OXR1: variants seen among roughly 807,000 people sequenced by gnomAD.
The protein encoded by OXR1 is oxidation resistance protein 1.
Under a neutral mutation model 104.6 loss-of-function variants are expected in OXR1, and 41 were observed. That is an observed-to-expected ratio of 0.39 (90% CI 0.31 to 0.51). The LOEUF (loss-of-function observed/expected upper bound fraction) is 0.51. Ranked by LOEUF, OXR1 falls within the 20% of genes least tolerant of loss-of-function variation. The pLI is 0.77. For missense variants in OXR1, 955 were observed against 1,031.9 expected, an observed-to-expected ratio of 0.93 and a Z score of 1.02; for synonymous variants, 348 against 348.4, an observed-to-expected ratio of 1.00 and a Z score of 0.01.
intron 2 of OXR1, among the ~76,000 whole-genome samples, chr8:106,450,764 C>CT (rs10668587): frequency 0.32 from 46,755 of 145,942 alleles, 7,961 homozygotes; most frequent in East Asian, 0.77. Context: ...AAAGAGGGTG[C>CT]TTTTTTTTTT....
intron 2 of OXR1, among the ~76,000 whole-genome samples, chr8:106,433,482 A>T (rs1819444239): frequency 1.3e-5 from 2 of 152,164 alleles, no homozygotes; most frequent in Non-Finnish European, 2.9e-5. Context: ...GCAAAGGCAG[A>T]TTGGACCCCA....
chr8:106,456,232 C>G (rs953707417), intron 2 of OXR1, among the ~76,000 whole-genome samples: 1 of 152,238 alleles, frequency 6.6e-6, no homozygotes, highest in East Asian at 1.9e-4. Context: ...GGGAACAGAA[C>G]GAAGATACTG....
rs1554593236 is a variant in OXR1 at position 106,555,928 on chromosome 8, G to GTGTA, written c.220+36790_220+36791insGTAT. On this transcript the variant is annotated intron_variant, in intron 3 of 16. Transcript: ENST00000517566. ...TGTGTGTAGGCATACGTATATATATGTACATATATATATATATATACACAA... is the reference window on the plus strand; with the variant it reads ...TGTGTGTAGGCATACGTATATATATGTGTATACATATATATATATATATACACAA... Among the ~76,000 whole-genome samples, 288 of 142,538 alleles carry GTGTA rather than the reference G, an allele frequency of 2.0e-3. 1 individual carries two copies. The highest frequency in any genetic ancestry group is 5.5e-3 in the Admixed American group (78 of 14,084). The allele number at this position is 142,538 out of a possible 152,430, so 93.5% of individuals were successfully genotyped here.
Position 106,657,911 on chromosome 8 carries a change from G to GCGCGCTAGTGGTGGC in OXR1, c.221-21295_221-21281dup, listed in dbSNP as rs1825295510. The GCGCGCTAGTGGTGGC allele has an allele frequency of 4.8e-6, 6 of 1,246,734 alleles. No individual in the cohort carries two copies. The South Asian group carries it at 2.1e-4, about 43-fold the overall frequency. 77.2% of individuals were successfully genotyped at this position (1,246,734 alleles called of 1,614,324 possible). ...TGGGTCAGGTCTGATGGGCCGGTGG[G>GCGCGCTAGTGGTGGC]CGCGCTAGTGGTGGCCGCCACCGCC... On this transcript the variant is annotated intron_variant, in intron 3 of 16. Transcript: ENST00000517566.
intron 2 of OXR1, among the ~76,000 whole-genome samples, chr8:106,411,190 A>T (rs939807076): frequency 6.6e-6 from 1 of 152,186 alleles, no homozygotes; most frequent in Non-Finnish European, 1.5e-5. Context: ...AGTGACACTT[A>T]AGCTGAAACT....
intron 1 of OXR1, among the ~76,000 whole-genome samples, chr8:106,330,632 G>A (rs181023191): frequency 2.6e-5 from 4 of 152,204 alleles, no homozygotes; most frequent in Non-Finnish European, 2.9e-5. Context: ...ACTGCTGGAT[G>A]TTAAGAACTT....
rs1166517696 is a variant in OXR1 at position 106,322,347 on chromosome 8, C to A, written c.-138-37129C>A. On this transcript the variant is annotated intron_variant, in intron 1 of 16. Coordinates refer to ENST00000517566, the MANE Select transcript of OXR1 (RefSeq NM_001198533.2). ...AAAAGGCTTTCGATAAAATTCAACACCCCTTCATGTTAAATACTCCCAGTA... is the reference window on the plus strand; with the variant it reads ...AAAAGGCTTTCGATAAAATTCAACAACCCTTCATGTTAAATACTCCCAGTA... 2.0e-5 allele frequency among the ~76,000 whole-genome samples: 3 copies of A among 152,248 alleles called. No homozygotes were observed. The East Asian group carries it at 5.8e-4, about 29-fold the overall frequency.
intron 3 of OXR1, among the ~76,000 whole-genome samples, chr8:106,556,366 G>A (rs1816284470): frequency 6.6e-6 from 1 of 152,150 alleles, no homozygotes; most frequent in Non-Finnish European, 1.5e-5. Context: ...ATGTGGGACA[G>A]TAAGTGGGTA....
chr8:106,473,235 C>T (rs1049378465), intron 2 of OXR1, among the ~76,000 whole-genome samples: 12 of 151,684 alleles, frequency 7.9e-5, no homozygotes, highest in Non-Finnish European at 1.3e-4. Context: ...CAGCACAAAT[C>T]GGCTGTTGCC....
intron 7 of OXR1, among the ~76,000 whole-genome samples, chr8:106,695,260 G>A (rs142797010): frequency 2.0e-5 from 3 of 151,526 alleles, no homozygotes; most frequent in African/African-American, 7.3e-5. Context: ...TATAGTTGCA[G>A]ATTTCCATTT....
intron 14 of OXR1, among the ~76,000 whole-genome samples, chr8:106,741,614 G>C (rs942219751): frequency 2.0e-5 from 3 of 152,104 alleles, no homozygotes; most frequent in Admixed American, 6.5e-5. Context: ...TTATCTGTCA[G>C]ACTCTCTGCA....
chr8:106,398,759 C>G (rs906107106), intron 2 of OXR1, among the ~76,000 whole-genome samples: 1 of 152,086 alleles, frequency 6.6e-6, no homozygotes, highest in Non-Finnish European at 1.5e-5. Context: ...GCCACCCACC[C>G]CACCTCTGGT....
chr8:106,454,283 A>C (rs1820478933), intron 2 of OXR1, among the ~76,000 whole-genome samples: 1 of 151,976 alleles, frequency 6.6e-6, no homozygotes, highest in African/African-American at 2.4e-5. Flanking sequence ...CAACATGGTG[A>C]AATCCTGTCT....
At chr8:106,430,128 C>G (rs1819299879) in intron 2 of OXR1, among the ~76,000 whole-genome samples, 1 of 152,044 alleles carries the variant, frequency 6.6e-6, no homozygotes. Flanking sequence ...TTTGTAAAGT[C>G]ATAATCCCTT....
chr8:106,689,438 G>A (rs1022295923), intron 6 of OXR1, among the ~76,000 whole-genome samples: 7 of 151,946 alleles, frequency 4.6e-5, no homozygotes, highest in African/African-American at 9.7e-5. Context: ...TTCAAATAAG[G>A]TCACATTCTG....
chr8:106,534,786 G>A (rs959267759), intron 3 of OXR1, among the ~76,000 whole-genome samples: 1 of 152,170 alleles, frequency 6.6e-6, no homozygotes. Context: ...TGACTAGTAA[G>A]TACTTAACAA....
chr8:106,330,476 G>C (rs762466407), intron 1 of OXR1, among the ~76,000 whole-genome samples: 1 of 151,902 alleles, frequency 6.6e-6, no homozygotes, highest in African/African-American at 2.4e-5. Context: ...TTGTATGATC[G>C]GCCTGTTTCA....
chr8:106,426,068 C>G (rs774288417), intron 2 of OXR1, among the ~76,000 whole-genome samples: 31 of 152,106 alleles, frequency 2.0e-4, no homozygotes, highest in Non-Finnish European at 3.8e-4. Flanking sequence ...CCCTGACTTA[C>G]AGTGGAGGGG....
chr8:106,509,176 C>A (rs1486424689), intron 2 of OXR1, among the ~76,000 whole-genome samples: 10 of 152,196 alleles, frequency 6.6e-5, no homozygotes, highest in Non-Finnish European at 1.5e-4. Flanking sequence ...CTGTGAGTTA[C>A]TGCAAAAGAC....
Sources: gnomAD v4.1 joint callset for allele counts (sites outside exome capture counted in the v4.1 genomes callset) on GRCh38, gnomAD v4.1.1 for gene constraint, MANE v1.5 for transcripts, NCBI Gene and HGNC (gene_info 2026-07-23, HGNC 2026-07-21) for gene names.